The following ATRNL1 variants were observed in gnomAD, a reference collection of about 807,000 sequenced individuals.
ATRNL1 encodes attractin-like protein 1.
In ATRNL1, 95 loss-of-function variants were observed where a neutral mutation model predicts 182.7. That is an observed-to-expected ratio of 0.52 (90% CI 0.44 to 0.62). The LOEUF (loss-of-function observed/expected upper bound fraction) is 0.62. ATRNL1 is among the 20% of genes least tolerant of loss of function. The pLI, the probability that ATRNL1 is intolerant of heterozygous loss-of-function variation, is 0.00. For synonymous variants in ATRNL1, 576 were observed against 568.3 expected (o/e 1.01, Z -0.19); for missense variants, 1,471 against 1,679.5 (o/e 0.88, Z 2.17).
chr10:115,202,851 C>T (rs1478081889), intron 8 of ATRNL1, among the ~76,000 whole-genome samples: 2 of 146,932 alleles, frequency 1.4e-5, no homozygotes, highest in African/African-American at 5.1e-5. Flanking sequence ...GGCTGTGAAT[C>T]CATCTGGTCC....
intron 28 of ATRNL1, among the ~76,000 whole-genome samples, chr10:115,884,530 T>C (rs1951898115): frequency 6.6e-6 from 1 of 152,328 alleles, no homozygotes; most frequent in Admixed American, 6.5e-5. Context: ...ACAAATTGCA[T>C]GTTACAGAGA....
intron 21 of ATRNL1, among the ~76,000 whole-genome samples, chr10:115,451,328 A>G (rs551660752): frequency 1.3e-5 from 2 of 152,282 alleles, no homozygotes; most frequent in African/African-American, 2.4e-5. Context: ...ACTATCAACT[A>G]TCCTGTAGAA....
rs139477660 is a variant in ATRNL1 at position 115,943,325 on chromosome 10, T to G, written c.4019-1333T>G. On this transcript the variant is annotated intron_variant, in intron 28 of 28. Coordinates refer to ENST00000355044, the MANE Select transcript of ATRNL1 (RefSeq NM_207303.4). ...TCAAAGAACTCTTAAAACTCAACAG[T>G]AAGACAACAAACAACCCAATTAAAA... Among the ~76,000 whole-genome samples the G allele has an allele frequency of 2.8e-3, 430 of 152,266 alleles. 8 individuals carry two copies. Among genetic ancestry groups the G allele is most frequent in the East Asian group, 0.028 (144 of 5,174 alleles).
intron 5 of ATRNL1, among the ~76,000 whole-genome samples, chr10:115,152,055 T>C (rs1846259070): frequency 6.6e-6 from 1 of 152,216 alleles, no homozygotes; most frequent in Admixed American, 6.5e-5. Context: ...AGGGCTCTGC[T>C]CTGTTCCATT....
intron 26 of ATRNL1, among the ~76,000 whole-genome samples, chr10:115,587,020 G>A (rs1270844067): frequency 2.1e-4 from 31 of 148,546 alleles, no homozygotes; most frequent in Non-Finnish European, 3.3e-4. Context: ...GCCGTGTGAG[G>A]TGTCAGTCTG....
At chr10:115,418,170 G>A (rs1386371736) in intron 20 of ATRNL1, among the ~76,000 whole-genome samples, 1 of 152,100 alleles carries the variant, frequency 6.6e-6, no homozygotes, top group Non-Finnish European at 1.5e-5. Context: ...ATTTACTGAA[G>A]CTCAAACTTC....
chr10:115,102,434 G>GTATATA (rs1375481816), intron 1 of ATRNL1, among the ~76,000 whole-genome samples: 81 of 151,382 alleles, frequency 5.4e-4, no homozygotes, highest in African/African-American at 1.8e-3. Flanking sequence ...ATGTATATGT[G>GTATATA]TATATATATA....
At chr10:115,156,532 T>C (rs1170260928) in intron 5 of ATRNL1, among the ~76,000 whole-genome samples, 6 of 152,138 alleles carry the variant, frequency 3.9e-5, no homozygotes, top group African/African-American at 1.4e-4. Context: ...AATTCTACTC[T>C]GTATGATTAT....
At chr10:115,264,873 A>G (rs1407989789) in intron 10 of ATRNL1, among the ~76,000 whole-genome samples, 1 of 151,638 alleles carries the variant, frequency 6.6e-6, no homozygotes, top group Non-Finnish European at 1.5e-5. Flanking sequence ...CATAAGTTTT[A>G]CTTGGAATAT....
intron 3 of ATRNL1, among the ~76,000 whole-genome samples, chr10:115,123,573 C>G (rs1268596419): frequency 3.9e-5 from 6 of 152,116 alleles, no homozygotes; most frequent in Non-Finnish European, 8.8e-5. Context: ...CATAGGCTAT[C>G]GCAGTGGCTT....
At chr10:115,133,089 A>T (rs1845331364) in intron 5 of ATRNL1, among the ~76,000 whole-genome samples, 1 of 152,184 alleles carries the variant, frequency 6.6e-6, no homozygotes, top group Non-Finnish European at 1.5e-5. Context: ...TCTTTAATTT[A>T]TCTTGAATTA....
chr10:115,582,848 A>G (rs1298387474), intron 26 of ATRNL1, among the ~76,000 whole-genome samples: 1 of 151,182 alleles, frequency 6.6e-6, no homozygotes, highest in Non-Finnish European at 1.5e-5. Context: ...GGTAAAGCCT[A>G]GGTTTTCTTC....
intron 24 of ATRNL1, among the ~76,000 whole-genome samples, chr10:115,477,741 A>G (rs1848597538): frequency 6.6e-6 from 1 of 151,690 alleles, no homozygotes; most frequent in South Asian, 2.1e-4. Flanking sequence ...GCATATTAAT[A>G]TCTAATAAGA....
chr10:115,540,856 T>C (rs529640218), intron 25 of ATRNL1, among the ~76,000 whole-genome samples: 3 of 152,234 alleles, frequency 2.0e-5, no homozygotes, highest in Non-Finnish European at 2.9e-5. Flanking sequence ...TGTTTAGTGC[T>C]TTAAGAAAAC....
rs537560031 is a variant in ATRNL1 at position 115,920,851 on chromosome 10, GAGAA to G, written c.4019-23802_4019-23799del. On this transcript the variant is annotated intron_variant, in intron 28 of 28. Coordinates refer to ENST00000355044, the MANE Select transcript of ATRNL1 (RefSeq NM_207303.4). Reference sequence around the variant, plus strand: ...TAAAATTGCAAAAAACAGTTTTTAAGAGAAAGAAGAAGTTAAGAAGTATCAAAAT... The same window carrying G: ...TAAAATTGCAAAAAACAGTTTTTAAGAGAAGAAGTTAAGAAGTATCAAAAT... 2.0e-5 allele frequency among the ~76,000 whole-genome samples: 3 copies of G among 152,296 alleles called. No homozygotes were observed. In the East Asian group the frequency reaches 5.8e-4, roughly 29 times the overall value.
chr10:115,784,148 G>A (rs1038911400), intron 27 of ATRNL1, among the ~76,000 whole-genome samples: 8 of 152,270 alleles, frequency 5.3e-5, no homozygotes, highest in African/African-American at 1.9e-4. Context: ...CTGTAAAATT[G>A]GAATGATATG....
At chr10:115,182,744 A>G (rs1036471517) in intron 8 of ATRNL1, among the ~76,000 whole-genome samples, 4 of 151,456 alleles carry the variant, frequency 2.6e-5, no homozygotes, top group African/African-American at 9.7e-5. Flanking sequence ...AAAACCCACA[A>G]TTCACCACAA....
chr10:115,154,786 A>T (rs1846422839), intron 5 of ATRNL1, among the ~76,000 whole-genome samples: 2 of 152,108 alleles, frequency 1.3e-5, no homozygotes, highest in African/African-American at 4.8e-5. Flanking sequence ...TAGGGTGTTG[A>T]AGTCCCCAAC....
At chr10:115,502,495 A>G (rs1849894728) in intron 24 of ATRNL1, among the ~76,000 whole-genome samples, 1 of 152,108 alleles carries the variant, frequency 6.6e-6, no homozygotes, top group Admixed American at 6.6e-5. Flanking sequence ...AGGAGACTTA[A>G]TTTTACAAAC....
Sources: gnomAD v4.1 joint callset for allele counts (sites outside exome capture counted in the v4.1 genomes callset) on GRCh38, gnomAD v4.1.1 for gene constraint, MANE v1.5 for transcripts, NCBI Gene and HGNC (gene_info 2026-07-23, HGNC 2026-07-21) for gene names.